Variants in ARCN1 observed in about 807,000 individuals in gnomAD.
The protein encoded by ARCN1 is coatomer subunit delta.
ARCN1 carries 5 observed loss-of-function variants against 60.4 expected under a neutral mutation model. The observed-to-expected ratio is 0.08, with a 90% CI of 0.04 to 0.17. The LOEUF (loss-of-function observed/expected upper bound fraction) is 0.17, where lower values mean the gene tolerates loss of function less well. Among genes scored for constraint, ARCN1 ranks in the 10% least tolerant of loss-of-function variants. The pLI is 1.00. For synonymous variants in ARCN1, 224 were observed against 220.0 expected (o/e 1.02, Z -0.16); for missense variants, 464 against 626.5 (o/e 0.74, Z 2.77).
At chr11:118,583,448 A>G in intron 3 of ARCN1, 90 bp downstream of exon 3, 1 of 1,395,804 alleles carries the variant, frequency 7.2e-7, no homozygotes, top group Non-Finnish European at 9.5e-7. Context: ...TTACTAATGT[A>G]GACTGTATTC....
intron 9 of ARCN1, 130 bp from the exon 10 acceptor site, chr11:118,600,495 T>G (rs1164106111): frequency 1.2e-5 from 7 of 577,686 alleles, no homozygotes; most frequent in South Asian, 4.6e-5. Context: ...AATTGAACAT[T>G]TTTCTAGTAT....
intron 1 of ARCN1, chr11:118,573,553 G>A: frequency 1.8e-6 from 1 of 568,510 alleles, no homozygotes; most frequent in Non-Finnish European, 3.2e-6. Context: ...ATTTTTCAGT[G>A]CACCTTATGT....
At chr11:118,585,983 C>T (rs1445515849) in intron 5 of ARCN1, among the ~76,000 whole-genome samples, 1 of 152,170 alleles carries the variant, frequency 6.6e-6, no homozygotes, top group Non-Finnish European at 1.5e-5. Flanking sequence ...GTCTTGAAGC[C>T]AGACCTTCTA....
At chr11:118,574,704 A>G (rs1555073135) in intron 1 of ARCN1, among the ~76,000 whole-genome samples, 1 of 152,188 alleles carries the variant, frequency 6.6e-6, no homozygotes. Flanking sequence ...TGCAGAAACA[A>G]ATGCTTTCTC....
rs1939132509 is a variant in ARCN1 at position 118,600,867 on chromosome 11, A to AC, written c.*158dup. On this transcript the variant is annotated 3_prime_UTR_variant, in exon 10 of 10. Transcript: ENST00000264028. ...CTCTGCGCGCAAGGACCCTCGACTC[A>AC]CCCCCATGTTTCAGTGTCACAGAGA... 2.0e-6 allele frequency: 1 copy of AC among 506,054 alleles called. No individual in the cohort carries two copies. The highest frequency in any genetic ancestry group is 2.3e-5 in the South Asian group (1 of 43,140). 31.3% of individuals were successfully genotyped at this position (506,054 alleles called of 1,614,324 possible).
chr11:118,575,204 T>A (rs1182020988), intron 1 of ARCN1, among the ~76,000 whole-genome samples: 2 of 152,182 alleles, frequency 1.3e-5, no homozygotes, highest in Non-Finnish European at 2.9e-5. Context: ...AGTCTCGATC[T>A]CCTCACCTCG....
chr11:118,601,767 T>C lies in ARCN1; in HGVS notation c.*1053T>C, dbSNP rs964927204. 42 of 702,200 alleles carry C rather than the reference T, an allele frequency of 6.0e-5. No individual in the cohort carries two copies. In the East Asian group the frequency reaches 1.1e-3, roughly 18 times the overall value. 43.5% of individuals were successfully genotyped at this position (702,200 alleles called of 1,614,324 possible). A position where few individuals can be genotyped will look rare whatever the true frequency, so the allele number is the denominator to read the frequency against. ...ATCCCACTTGTGTCAATATTAAAGA[T>C]AGCTGAGAAGCACCTTTCAAATGGC... is the stretch of plus-strand genomic sequence containing the variant. On this transcript the variant is annotated 3_prime_UTR_variant, in exon 10 of 10. Coordinates refer to ENST00000264028, the MANE Select transcript of ARCN1 (RefSeq NM_001655.5).
intron 8 of ARCN1, among the ~76,000 whole-genome samples, chr11:118,596,460 G>A (rs962384432): frequency 2.0e-5 from 3 of 152,114 alleles, no homozygotes; most frequent in African/African-American, 7.2e-5. Flanking sequence ...TTTTACTCCC[G>A]TTGTCTAGAA....
chr11:118,589,144 G>A (rs1177302479), intron 5 of ARCN1, among the ~76,000 whole-genome samples: 2 of 152,070 alleles, frequency 1.3e-5, no homozygotes, highest in Non-Finnish European at 2.9e-5. Flanking sequence ...AGTATTTAGG[G>A]GTAAAGTGCC....
At chr11:118,587,947 AGC>A (rs781919445) in intron 5 of ARCN1, among the ~76,000 whole-genome samples, 11 of 152,234 alleles carry the variant, frequency 7.2e-5, no homozygotes, top group Non-Finnish European at 1.5e-4. Flanking sequence ...GCAAATAAGC[AGC>A]CAGATGAAGA....
intron 2 of ARCN1, 39 bp downstream of exon 2, chr11:118,581,548 T>G: frequency 6.4e-7 from 1 of 1,563,746 alleles, no homozygotes; most frequent in Non-Finnish European, 8.7e-7. Flanking sequence ...CACTTTTTGT[T>G]TTACATTTTA....
chr11:118,589,065 T>C (rs1377147113), intron 5 of ARCN1, among the ~76,000 whole-genome samples: 1 of 152,130 alleles, frequency 6.6e-6, no homozygotes, highest in African/African-American at 2.4e-5. Flanking sequence ...TGTAAATTTG[T>C]GAAGTTAATA....
At chr11:118,582,211 C>T (rs1437131256) in intron 2 of ARCN1, among the ~76,000 whole-genome samples, 3 of 152,058 alleles carry the variant, frequency 2.0e-5, no homozygotes, top group Admixed American at 6.6e-5. Context: ...GGTGCAATCT[C>T]GGCTCACTGC....
intron 1 of ARCN1, among the ~76,000 whole-genome samples, chr11:118,577,293 C>T (rs1555073812): frequency 6.6e-6 from 1 of 151,760 alleles, no homozygotes; most frequent in Non-Finnish European, 1.5e-5. Flanking sequence ...GTAGCCCAGG[C>T]TGGAGTGAAG....
chr11:118,577,992 T>G (rs1375866408), intron 1 of ARCN1, among the ~76,000 whole-genome samples: 6 of 151,908 alleles, frequency 3.9e-5, no homozygotes, highest in African/African-American at 1.4e-4. Context: ...CCTGTCTCTA[T>G]TAAAAATAGA....
chr11:118,590,274 C>A, intron 5 of ARCN1, 67 bp from the exon 6 acceptor site: 1 of 1,411,112 alleles, frequency 7.1e-7, no homozygotes, highest in South Asian at 1.3e-5. Context: ...GGGTTATAGG[C>A]ATGAGCCACC....
chr11:118,585,042 G>A (rs1365647747), intron 5 of ARCN1, among the ~76,000 whole-genome samples: 1 of 152,032 alleles, frequency 6.6e-6, no homozygotes, highest in East Asian at 1.9e-4. Flanking sequence ...TAGCCAGAAT[G>A]GTCTCGATCT....
Position 118,572,492 on chromosome 11 carries a change from C to G in ARCN1, c.-56C>G. On this transcript the variant is annotated 5_prime_UTR_variant, in exon 1 of 10. Transcript: ENST00000264028. The stretch of plus-strand genomic sequence containing the variant: ...TGCTGGTGCTCCCGTTCCCCAGACC[C>G]TACCCCTATCCCCAGTGGAGCCGGA... The G allele has an allele frequency of 6.2e-7, 1 of 1,605,256 alleles. No individual in the cohort carries two copies. Among genetic ancestry groups the G allele is most frequent in the African/African-American group, 1.3e-5 (1 of 74,796 alleles).
At chr11:118,572,819 A>G in intron 1 of ARCN1, 1 of 434,150 alleles carries the variant, frequency 2.3e-6, no homozygotes. Context: ...TGCCCCTGAG[A>G]CGGCCCGGCG....
Sources: gnomAD v4.1 joint callset for allele counts (sites outside exome capture counted in the v4.1 genomes callset) on GRCh38, gnomAD v4.1.1 for gene constraint, MANE v1.5 for transcripts, NCBI Gene and HGNC (gene_info 2026-07-23, HGNC 2026-07-21) for gene names.